Variants in FHIT observed in about 807,000 individuals in gnomAD.
FHIT encodes fragile histidine triad diadenosine triphosphatase.
Under a neutral mutation model 17.9 loss-of-function variants are expected in FHIT, and 19 were observed. That is an observed-to-expected ratio of 1.06 (90% CI 0.74 to 1.56). The LOEUF (loss-of-function observed/expected upper bound fraction) is 1.56, where lower values mean the gene tolerates loss of function less well. FHIT is among the 40% of genes most tolerant of loss of function. The probability of loss-of-function intolerance (pLI) is 0.00; values close to 1 mark genes in which losing one functional copy is unlikely to be tolerated. For missense variants in FHIT, 248 were observed against 189.2 expected (o/e 1.31, Z -1.82); for synonymous variants, 81 against 69.7 (o/e 1.16, Z -0.81).
At chr3:60,288,743 T>C (rs145850988) in intron 5 of FHIT, among the ~76,000 whole-genome samples, 2,322 of 152,204 alleles carry the variant, frequency 0.015, 49 homozygotes, top group South Asian at 0.074. Flanking sequence ...TACTAGAACA[T>C]AGCCATGAAA....
At chr3:59,911,766 G>A (rs999472740) in intron 8 of FHIT, among the ~76,000 whole-genome samples, 4 of 152,196 alleles carry the variant, frequency 2.6e-5, no homozygotes, top group Admixed American at 2.0e-4. Flanking sequence ...AAGAAGTGGG[G>A]AGACTTGCAG....
chr3:59,785,312 CTTT>C (rs35748189), intron 8 of FHIT, among the ~76,000 whole-genome samples: 19 of 133,498 alleles, frequency 1.4e-4, no homozygotes, highest in Non-Finnish European at 1.1e-4. Flanking sequence ...GCAATCTTGC[CTTT>C]TTTTTTTTTT....
chr3:60,050,223 A>G (rs1478579433), intron 5 of FHIT, among the ~76,000 whole-genome samples: 4 of 152,172 alleles, frequency 2.6e-5, no homozygotes, highest in Non-Finnish European at 5.9e-5. Flanking sequence ...CGTATCTCCA[A>G]TATTTTCTTA....
intron 3 of FHIT, among the ~76,000 whole-genome samples, chr3:60,860,749 T>C (rs1196449730): frequency 0.021 from 591 of 27,904 alleles, 142 homozygotes; most frequent in African/African-American, 0.076. Context: ...TTCATATATA[T>C]CAGGTATATA....
intron 3 of FHIT, among the ~76,000 whole-genome samples, chr3:60,864,915 T>G (rs1200193167): frequency 1.3e-5 from 2 of 152,148 alleles, no homozygotes; most frequent in African/African-American, 4.8e-5. Flanking sequence ...AAAGGGTAGA[T>G]GCATGTAAGA....
At chr3:60,833,904 G>A (rs1183833193) in intron 3 of FHIT, among the ~76,000 whole-genome samples, 6 of 152,080 alleles carry the variant, frequency 3.9e-5, no homozygotes, top group African/African-American at 1.2e-4. Flanking sequence ...TAATCTTTTG[G>A]TTTTGTGTTT....
At chr3:60,278,411 C>T (rs1471176951) in intron 5 of FHIT, among the ~76,000 whole-genome samples, 1 of 151,766 alleles carries the variant, frequency 6.6e-6, no homozygotes, top group Admixed American at 6.6e-5. Flanking sequence ...TGTCAGGGGA[C>T]GAAAAAAGGG....
At chr3:60,395,874 A>G (rs1372550705) in intron 5 of FHIT, among the ~76,000 whole-genome samples, 1 of 152,166 alleles carries the variant, frequency 6.6e-6, no homozygotes, top group Non-Finnish European at 1.5e-5. Context: ...GGACAGGGTT[A>G]TTAACTTTTT....
At chr3:59,764,735 T>A (rs947990583) in intron 8 of FHIT, among the ~76,000 whole-genome samples, 1 of 152,222 alleles carries the variant, frequency 6.6e-6, no homozygotes, top group African/African-American at 2.4e-5. Flanking sequence ...TGCTTTTTTT[T>A]TTCTAACCAG....
chr3:60,225,950 G>A (rs1269379340), intron 5 of FHIT, among the ~76,000 whole-genome samples: 1 of 152,162 alleles, frequency 6.6e-6, no homozygotes, highest in African/African-American at 2.4e-5. Context: ...ATTTCTGTGG[G>A]TGCCTGTGCT....
At chr3:60,516,224 T>A (rs550449063) in intron 5 of FHIT, among the ~76,000 whole-genome samples, 1 of 152,324 alleles carries the variant, frequency 6.6e-6, no homozygotes, top group Non-Finnish European at 1.5e-5. Context: ...TTCTAAAATA[T>A]TTATTCATTT....
chr3:60,946,700 A>G (rs190987038), intron 3 of FHIT, among the ~76,000 whole-genome samples: 3 of 152,240 alleles, frequency 2.0e-5, no homozygotes, highest in African/African-American at 2.4e-5. Flanking sequence ...GAGAAAAGGA[A>G]CTGTCTAGAA....
At chr3:60,870,204 C>T (rs1227613071) in intron 3 of FHIT, among the ~76,000 whole-genome samples, 1 of 151,878 alleles carries the variant, frequency 6.6e-6, no homozygotes, top group Non-Finnish European at 1.5e-5. Flanking sequence ...AATGAGAAAA[C>T]TAATATTGCT....
chr3:60,241,408 G>C (rs1219189244), intron 5 of FHIT, among the ~76,000 whole-genome samples: 1 of 151,998 alleles, frequency 6.6e-6, no homozygotes, highest in Non-Finnish European at 1.5e-5. Context: ...GGAATTTTAA[G>C]TACTGTCCCC....
At chr3:60,975,710 G>A (rs1247025992) in intron 3 of FHIT, among the ~76,000 whole-genome samples, 1 of 152,072 alleles carries the variant, frequency 6.6e-6, no homozygotes, top group Non-Finnish European at 1.5e-5. Flanking sequence ...ATATCTATCT[G>A]TAATATGACT....
intron 5 of FHIT, among the ~76,000 whole-genome samples, chr3:60,103,259 A>G (rs1203170686): frequency 6.6e-6 from 1 of 152,170 alleles, no homozygotes; most frequent in Admixed American, 6.5e-5. Flanking sequence ...GATCACCCCT[A>G]TTCCCCTCCT....
At chr3:61,226,372 C>T (rs2039971116) in intron 1 of FHIT, among the ~76,000 whole-genome samples, 2 of 152,178 alleles carry the variant, frequency 1.3e-5, no homozygotes, top group Admixed American at 1.3e-4. Context: ...TATTTTCCTG[C>T]ATTTCCCCTT....
intron 5 of FHIT, among the ~76,000 whole-genome samples, chr3:60,128,402 T>A (rs1705654833): frequency 2.0e-5 from 3 of 152,196 alleles, no homozygotes; most frequent in African/African-American, 7.2e-5. Context: ...AAGGACATGT[T>A]TGCTTTCCCT....
At position 60,244,247 on chromosome 3, in the gene FHIT, G is replaced by A. The variant is rs545469089; in HGVS notation, c.104-230095C>T. On this transcript the variant is annotated intron_variant, in intron 5 of 9. Transcript: ENST00000492590. ...TCATATTTTCCCTATAAATGTCAAG[G>A]AAAGGGAATTGTCTATAGGATACAC... 2.0e-3 allele frequency among the ~76,000 whole-genome samples: 306 copies of A among 152,080 alleles called. 3 individuals carry two copies. The highest frequency in any genetic ancestry group is 7.1e-3 in the African/African-American group (295 of 41,512).
Sources: allele counts gnomAD v4.1 joint callset (sites outside exome capture counted in the v4.1 genomes callset), GRCh38; gene constraint gnomAD v4.1.1; transcripts MANE v1.5; gene names NCBI Gene and HGNC (gene_info 2026-07-23, HGNC 2026-07-21).